The following TPP2 variants were observed in gnomAD, a reference collection of about 807,000 sequenced individuals.
TPP2 encodes tripeptidyl peptidase 2.
Under a neutral mutation model 155.9 loss-of-function variants are expected in TPP2, and 34 were observed. The observed-to-expected ratio is 0.22, with a 90% CI of 0.17 to 0.29. The LOEUF is 0.29. Ranked by LOEUF, TPP2 falls within the 10% of genes least tolerant of loss-of-function variation. The pLI is 1.00. For synonymous variants in TPP2, 510 were observed against 529.4 expected, an observed-to-expected ratio of 0.96 and a Z score of 0.50; for missense variants, 1,028 against 1,522.3, an observed-to-expected ratio of 0.68 and a Z score of 5.40.
At chr13:102,616,785 C>G (rs1242022657) in intron 4 of TPP2, among the ~76,000 whole-genome samples, 1 of 152,178 alleles carries the variant, frequency 6.6e-6, no homozygotes, top group Admixed American at 6.5e-5. Flanking sequence ...CTCTTGTGCC[C>G]CTTCCTTGTC....
At chr13:102,650,468 C>G (rs112219866) in intron 23 of TPP2, among the ~76,000 whole-genome samples, 1 of 152,176 alleles carries the variant, frequency 6.6e-6, no homozygotes, top group South Asian at 2.1e-4. Flanking sequence ...GGTCTCATTT[C>G]AGTTTATACT....
chr13:102,625,408 C>T (rs1881541849), intron 6 of TPP2, among the ~76,000 whole-genome samples: 1 of 151,990 alleles, frequency 6.6e-6, no homozygotes, highest in Non-Finnish European at 1.5e-5. Context: ...TCGTGATCCG[C>T]CCGCCTCGGC....
chr13:102,636,829 T>C (rs965159293), intron 13 of TPP2, among the ~76,000 whole-genome samples: 4 of 152,208 alleles, frequency 2.6e-5, no homozygotes, highest in Non-Finnish European at 5.9e-5. Context: ...CTATGACCTG[T>C]GTGCAGTAAT....
chr13:102,625,776 C>G (rs549120514), intron 6 of TPP2, among the ~76,000 whole-genome samples: 3 of 152,348 alleles, frequency 2.0e-5, no homozygotes, highest in African/African-American at 7.2e-5. Context: ...TTCAAAGCCA[C>G]ATAGAGATGC....
intron 27 of TPP2, among the ~76,000 whole-genome samples, chr13:102,666,933 A>G (rs1458829851): frequency 1.3e-5 from 2 of 152,122 alleles, no homozygotes. Context: ...CACTGGGTCA[A>G]CTTGTTTATC....
chr13:102,625,286 T>G (rs1396589396), intron 6 of TPP2, among the ~76,000 whole-genome samples: 1 of 150,026 alleles, frequency 6.7e-6, no homozygotes, highest in Non-Finnish European at 1.5e-5. Flanking sequence ...TGCCTCAGCC[T>G]CCCAAGTAGC....
At chr13:102,600,416 A>G (rs1879344987) in intron 1 of TPP2, among the ~76,000 whole-genome samples, 1 of 146,008 alleles carries the variant, frequency 6.8e-6, no homozygotes, top group Admixed American at 7.0e-5. Flanking sequence ...CCTCGTATTT[A>G]TGTGTGTTTG....
rs184630565 is a variant in TPP2, at chr13:102,675,055, G to A, written c.3579+565G>A. ...TCTCTACTATAATTCTTGCAATAGC[G>A]TTTATACAAGTTATTAATCTTCTTT... is the stretch of plus-strand genomic sequence containing the variant. On this transcript the variant is annotated intron_variant, in intron 28 of 29. Coordinates refer to ENST00000376052, the MANE Select transcript of TPP2 (RefSeq NM_001330588.2). Among the ~76,000 whole-genome samples the A allele has an allele frequency of 3.3e-3, 496 of 152,206 alleles. 4 individuals are homozygous for A. The highest frequency in any genetic ancestry group is 0.011 in the African/African-American group (469 of 41,538).
intron 1 of TPP2, 77 bp from the exon 2 acceptor site, chr13:102,604,716 T>C (rs1387914051): frequency 1.4e-4 from 109 of 785,504 alleles, no homozygotes; most frequent in Middle Eastern, 3.4e-4. Context: ...TACACACACA[T>C]ATATATGTGG....
chr13:102,661,494 C>G (rs1884224470), intron 25 of TPP2, among the ~76,000 whole-genome samples: 1 of 152,066 alleles, frequency 6.6e-6, no homozygotes, highest in Non-Finnish European at 1.5e-5. Flanking sequence ...CCTCCTGCTT[C>G]AGCTTCCCAT....
chr13:102,635,525 G>A (rs1260740239), intron 11 of TPP2, 62 bp from the exon 12 acceptor site: 1 of 1,178,294 alleles, frequency 8.5e-7, no homozygotes, highest in African/African-American at 1.5e-5. Flanking sequence ...GATCATACTG[G>A]TGGGCGGCTA....
intron 24 of TPP2, 96 bp downstream of exon 24, chr13:102,651,493 C>A: frequency 7.7e-7 from 1 of 1,290,678 alleles, no homozygotes; most frequent in Non-Finnish European, 1.1e-6. Flanking sequence ...TTTAATAAGT[C>A]TCCCTTAGTT....
chr13:102,662,228 G>A (rs191989858), intron 25 of TPP2, among the ~76,000 whole-genome samples: 109 of 152,308 alleles, frequency 7.2e-4, no homozygotes, highest in African/African-American at 2.6e-3. Context: ...GAGATAGAAA[G>A]TAGATTAGTG....
chr13:102,612,437 C>T (rs1880392992), intron 2 of TPP2, among the ~76,000 whole-genome samples: 1 of 152,150 alleles, frequency 6.6e-6, no homozygotes. Context: ...AGTCTTAATA[C>T]ATTGTAGTTA....
chr13:102,643,039 TTA>T (rs1882870872), intron 16 of TPP2, among the ~76,000 whole-genome samples, 181 bp from the exon 17 acceptor site: 1 of 152,202 alleles, frequency 6.6e-6, no homozygotes, highest in South Asian at 2.1e-4. Flanking sequence ...TCTTCTACCT[TTA>T]TTAATATTTT....
chr13:102,614,860 T>C (rs1009204833), intron 3 of TPP2, among the ~76,000 whole-genome samples: 9 of 152,074 alleles, frequency 5.9e-5, no homozygotes, highest in African/African-American at 1.9e-4. Flanking sequence ...ATTTGAAATA[T>C]GTTTAGTGTG....
At chr13:102,659,593 A>G (rs1884077350) in intron 25 of TPP2, among the ~76,000 whole-genome samples, 3 of 152,196 alleles carry the variant, frequency 2.0e-5, no homozygotes. Flanking sequence ...CTCAACCAAT[A>G]ATCCTATATC....
At chr13:102,626,740 T>G (rs2139476672) in intron 6 of TPP2, among the ~76,000 whole-genome samples, 1 of 152,370 alleles carries the variant, frequency 6.6e-6, no homozygotes, top group South Asian at 2.1e-4. Context: ...GGTATCTTCT[T>G]TTATAAAATG....
intron 2 of TPP2, among the ~76,000 whole-genome samples, chr13:102,611,786 T>C (rs1316507126): frequency 3.3e-5 from 5 of 152,262 alleles, no homozygotes; most frequent in Admixed American, 3.3e-4. Flanking sequence ...TGTTCTAGAA[T>C]TCACCTGGAA....
Sources: allele counts gnomAD v4.1 joint callset (sites outside exome capture counted in the v4.1 genomes callset), GRCh38; gene constraint gnomAD v4.1.1; transcripts MANE v1.5; gene names NCBI Gene and HGNC (gene_info 2026-07-23, HGNC 2026-07-21).